Variants in PDE10A observed in about 807,000 individuals in gnomAD.
PDE10A encodes the protein phosphodiesterase 10A.
Under a neutral mutation model 97.7 loss-of-function variants are expected in PDE10A, and 39 were observed. The observed-to-expected ratio is 0.40, with a 90% CI of 0.31 to 0.52. The LOEUF (loss-of-function observed/expected upper bound fraction) is 0.52, where lower values mean the gene tolerates loss of function less well. PDE10A is among the 20% of genes least tolerant of loss of function. The pLI, the probability that PDE10A is intolerant of heterozygous loss-of-function variation, is 0.56. For synonymous variants in PDE10A, 371 were observed against 376.8 expected (o/e 0.98, Z 0.18); for missense variants, 731 against 1,047.8 (o/e 0.70, Z 4.17).
intron 1 of PDE10A, among the ~76,000 whole-genome samples, chr6:165,809,707 T>G (rs1188889740): frequency 1.3e-5 from 2 of 152,216 alleles, no homozygotes; most frequent in Non-Finnish European, 2.9e-5. Context: ...CAGGTCCACT[T>G]GTTAACATTT....
intron 1 of PDE10A, among the ~76,000 whole-genome samples, chr6:165,798,332 C>T (rs1001030651): frequency 6.6e-6 from 1 of 152,000 alleles, no homozygotes; most frequent in African/African-American, 2.4e-5. Flanking sequence ...AGAGGCATTA[C>T]GGGGAGAAAG....
At chr6:165,719,015 G>C (rs899717075) in intron 1 of PDE10A, among the ~76,000 whole-genome samples, 24 of 152,006 alleles carry the variant, frequency 1.6e-4, no homozygotes, top group African/African-American at 5.8e-4. Context: ...AACAATATAG[G>C]GGTTTTGGAA....
rs1279486967 is a variant in PDE10A, at chr6:165,671,572, A to G, written c.-614-128004T>C. 6.6e-6 allele frequency among the ~76,000 whole-genome samples: 1 copy of G among 152,210 alleles called. No individual in the cohort carries two copies. The highest frequency in any genetic ancestry group is 1.5e-5 in the Non-Finnish European group (1 of 68,036). On this transcript the variant is annotated intron_variant, in intron 1 of 19. Transcript: ENST00000366882. This position sits in a 1 kb window ranked among gnomAD's most constrained non-coding sequence, Gnocchi z 4.6. ...AGCATGACTGCACTCAAAGGACCCA[A>G]TTAATTCACTTCCATCACTACTCGT...
intron 10 of PDE10A, among the ~76,000 whole-genome samples, chr6:165,425,450 T>A (rs912587433): frequency 2.6e-5 from 4 of 152,040 alleles, no homozygotes; most frequent in African/African-American, 9.7e-5. Flanking sequence ...CATATGATCA[T>A]CTACACTGAT....
At chr6:165,450,963 T>C (rs1225832669) in intron 3 of PDE10A, among the ~76,000 whole-genome samples, 1 of 152,216 alleles carries the variant, frequency 6.6e-6, no homozygotes, top group African/African-American at 2.4e-5. Context: ...AAGTTTTATA[T>C]ATATTAGGTA....
intron 1 of PDE10A, among the ~76,000 whole-genome samples, chr6:165,730,046 C>A (rs563561553): frequency 6.6e-6 from 1 of 151,430 alleles, no homozygotes; most frequent in Non-Finnish European, 1.5e-5. Flanking sequence ...GAGATATATA[C>A]GTATATGAAT....
At chr6:165,792,625 T>G (rs1367404871) in intron 1 of PDE10A, among the ~76,000 whole-genome samples, 1 of 152,142 alleles carries the variant, frequency 6.6e-6, no homozygotes, top group Non-Finnish European at 1.5e-5. Flanking sequence ...GGTTCAGTCC[T>G]GGGTGACTCC....
intron 5 of PDE10A, among the ~76,000 whole-genome samples, chr6:165,444,647 T>C (rs931485961): frequency 8.5e-5 from 13 of 152,050 alleles, no homozygotes; most frequent in African/African-American, 3.1e-4. Flanking sequence ...AATAATATTT[T>C]ATGTTTTAAT....
chr6:165,936,900 A>G lies in PDE10A; in HGVS notation c.-615+50629T>C, dbSNP rs144682339. ...TTTCATGGTTGAACTGAGAAAGGGC[A>G]TTTGTGCTTTGGAAAGAATGTGCAG... On this transcript the variant is annotated intron_variant, in intron 1 of 19. Coordinates refer to the PDE10A transcript ENST00000366882. Among the ~76,000 whole-genome samples the G allele has an allele frequency of 2.5e-3, 388 of 152,324 alleles. 3 individuals carry two copies. Among genetic ancestry groups the G allele is most frequent in the African/African-American group, 8.9e-3 (369 of 41,590 alleles).
At chr6:165,367,528 CA>C (rs1783868483) in intron 18 of PDE10A, among the ~76,000 whole-genome samples, 3 of 151,990 alleles carry the variant, frequency 2.0e-5, no homozygotes, top group African/African-American at 7.2e-5. Flanking sequence ...CTCCAAACTT[CA>C]CTGAAATCAG....
chr6:165,727,754 G>T (rs1792335209), intron 1 of PDE10A, among the ~76,000 whole-genome samples: 1 of 152,130 alleles, frequency 6.6e-6, no homozygotes, highest in Non-Finnish European at 1.5e-5. Flanking sequence ...AAAAATCCTG[G>T]TATATTTGTT....
intron 1 of PDE10A, among the ~76,000 whole-genome samples, chr6:165,926,165 G>A (rs1429716661): frequency 6.6e-6 from 1 of 152,212 alleles, no homozygotes; most frequent in Admixed American, 6.5e-5. Flanking sequence ...TGAGGTGAAT[G>A]AAGTACCAGC....
chr6:165,362,087 A>C (rs1321801099), intron 18 of PDE10A, among the ~76,000 whole-genome samples: 5 of 152,316 alleles, frequency 3.3e-5, no homozygotes, highest in African/African-American at 1.2e-4. Flanking sequence ...TATATTAAGA[A>C]AGAAGAAATA....
intron 1 of PDE10A, among the ~76,000 whole-genome samples, chr6:165,630,692 G>A (rs1788588767): frequency 6.6e-6 from 1 of 152,086 alleles, no homozygotes; most frequent in South Asian, 2.1e-4. Context: ...TATTTGCACT[G>A]TAAATTCTTG....
intron 1 of PDE10A, among the ~76,000 whole-genome samples, chr6:165,549,148 C>T (rs891119540): frequency 6.6e-6 from 1 of 152,246 alleles, no homozygotes; most frequent in Non-Finnish European, 1.5e-5. Context: ...TAGAGTCGTA[C>T]TCTTTTTCTC....
intron 18 of PDE10A, among the ~76,000 whole-genome samples, chr6:165,345,993 A>T (rs1229219857): frequency 6.6e-6 from 1 of 152,234 alleles, no homozygotes; most frequent in East Asian, 1.9e-4. Flanking sequence ...TTTGAGGAAC[A>T]AAAAGAAATG....
At chr6:165,465,281 T>TG (rs1778571950) in intron 3 of PDE10A, among the ~76,000 whole-genome samples, 2 of 152,164 alleles carry the variant, frequency 1.3e-5, no homozygotes, top group South Asian at 4.1e-4. Flanking sequence ...TGGAAAAGCT[T>TG]GGGGGTAACA....
chr6:165,793,396 A>C (rs933422218), intron 1 of PDE10A, among the ~76,000 whole-genome samples: 1 of 152,178 alleles, frequency 6.6e-6, no homozygotes, highest in Non-Finnish European at 1.5e-5. Flanking sequence ...GCAAGCTCTT[A>C]TTAGCAGAAG....
At chr6:165,564,871 T>C (rs184003209) in intron 1 of PDE10A, among the ~76,000 whole-genome samples, 98 of 152,312 alleles carry the variant, frequency 6.4e-4, no homozygotes, top group African/African-American at 2.3e-3. Context: ...ACTAAAGAAG[T>C]GGAGCAAGAG....
Sources: gnomAD v4.1 joint callset for allele counts (sites outside exome capture counted in the v4.1 genomes callset) on GRCh38, gnomAD v4.1.1 for gene constraint, Gnocchi (gnomAD v3.1) non-coding constraint, MANE v1.5 for transcripts, NCBI Gene and HGNC (gene_info 2026-07-23, HGNC 2026-07-21) for gene names.